The following FIGNL2 variants were observed in gnomAD, a reference collection of about 807,000 sequenced individuals.
FIGNL2 encodes fidgetin-like protein 2.
For missense variants in FIGNL2, 1,060 were observed against 950.2 expected, an observed-to-expected ratio of 1.12 and a Z score of -1.52; for synonymous variants, 565 against 484.0, an observed-to-expected ratio of 1.17 and a Z score of -2.20.
At chr12:51,845,485 CT>C (rs1939734761) in intron 1 of FIGNL2, 1 of 985,434 alleles carries the variant, frequency 1.0e-6, no homozygotes, top group Admixed American at 6.1e-5. Context: ...TCTCTGTCCC[CT>C]GAAGGGGGTC....
Position 51,845,769 on chromosome 12 carries a change from G to A in FIGNL2, c.-12+2771C>T, listed in dbSNP as rs918280730. 3.4e-5 allele frequency: 19 copies of A among 559,886 alleles called. 1 individual carries two copies. The South Asian group carries it at 4.1e-4, about 12-fold the overall frequency. The allele number at this position is 559,886 out of a possible 1,614,324, so 34.7% of individuals were successfully genotyped here. ...TAAGGGTCCAGCAATGGCAGCAGTC[G>A]GAGCTTGGGGGGAGAGTCGGGGGAG... On this transcript the variant is annotated intron_variant, in intron 1 of 1. Coordinates refer to ENST00000618634, the MANE Select transcript of FIGNL2 (RefSeq NM_001384995.1).
intron 1 of FIGNL2, among the ~76,000 whole-genome samples, chr12:51,826,942 G>A (rs1235615199): frequency 6.6e-6 from 1 of 152,250 alleles, no homozygotes; most frequent in Non-Finnish European, 1.5e-5. Flanking sequence ...GCAGGCACAT[G>A]TGCATATGTT....
chr12:51,848,227 C>T (rs1939794159), intron 1 of FIGNL2: 1 of 984,158 alleles, frequency 1.0e-6, no homozygotes, highest in Non-Finnish European at 1.2e-6. Flanking sequence ...AGCAGACGCC[C>T]CCGAGCCGGC....
chr12:51,820,626 G>T lies in FIGNL2; in HGVS notation c.1788C>A (p.Gly596=). Residue 596 remains glycine, a synonymous_variant, in exon 2 of 2, where the codon GGC becomes GGA. Coordinates refer to ENST00000618634, the MANE Select transcript of FIGNL2 (RefSeq NM_001384995.1). ...CCTGCTGGCACAGCTGCCCCAGCTCGCCCCCAGAGAAGCCCTGCGTGCCCT... is the reference window on the plus strand; with the variant it reads ...CCTGCTGGCACAGCTGCCCCAGCTCTCCCCCAGAGAAGCCCTGCGTGCCCT... The part of the protein sequence containing the change: ...LVQGTQGFSG[G]ELGQLCQQAA... The T allele has an allele frequency of 6.6e-7, 1 of 1,525,524 alleles. No individual in the cohort carries two copies. The highest frequency in any genetic ancestry group is 8.7e-7 in the Non-Finnish European group (1 of 1,142,928). The allele number at this position is 1,525,524 out of a possible 1,614,324, so 94.5% of individuals were successfully genotyped here.
rs1056013479 is a variant in FIGNL2 at position 51,821,757 on chromosome 12, G to C, written c.657C>G (p.Leu219=). The C allele has an allele frequency of 2.3e-5, 29 of 1,282,674 alleles. No individual in the cohort carries two copies. In the Admixed American group the frequency reaches 3.8e-4, roughly 17 times the overall value. 79.5% of individuals were successfully genotyped at this position (1,282,674 alleles called of 1,614,324 possible). Reference sequence around the variant, plus strand: ...CCGGGGGTGGGCCTGGGGGCGGCGGGAGCGCGCCATAGCCGGGCTGCGCTG... The same window carrying C: ...CCGGGGGTGGGCCTGGGGGCGGCGGCAGCGCGCCATAGCCGGGCTGCGCTG... ...GYAAQPGYGA[L]PPPPGPPPAP... The change falls in exon 2 of 2, where the codon CTC becomes CTG. Residue 219 remains leucine, a synonymous_variant. Coordinates refer to ENST00000618634, the MANE Select transcript of FIGNL2 (RefSeq NM_001384995.1).
intron 1 of FIGNL2, among the ~76,000 whole-genome samples, chr12:51,831,031 G>A (rs936681200): frequency 1.3e-5 from 2 of 151,854 alleles, no homozygotes; most frequent in African/African-American, 2.4e-5. Context: ...CTCAAACTCC[G>A]GGGCTCAGGC....
Position 51,821,873 on chromosome 12 carries a change from G to A in FIGNL2, c.541C>T (p.Pro181Ser). The part of the protein sequence containing the change: ...YCAQTGAALP[P>S]PPPAALLQPP... ...TGCAGGAGCGCGGCCGGGGGCGGCG[G>A]GGGCAGCGCGGCGCCCGTCTGCGCG... Residue 181 changes from proline (P) to serine (S), a missense_variant, in exon 2 of 2, where the codon CCG becomes TCG. Coordinates refer to ENST00000618634, the MANE Select transcript of FIGNL2 (RefSeq NM_001384995.1). 7.7e-7 allele frequency: 1 copy of A among 1,305,730 alleles called. No homozygotes were observed. The highest frequency in any genetic ancestry group is 9.7e-7 in the Non-Finnish European group (1 of 1,030,412). 80.9% of individuals were successfully genotyped at this position (1,305,730 alleles called of 1,614,324 possible).
chr12:51,830,954 A>C (rs1939450071), intron 1 of FIGNL2, among the ~76,000 whole-genome samples: 1 of 151,892 alleles, frequency 6.6e-6, no homozygotes, highest in African/African-American at 2.4e-5. Flanking sequence ...GAGCTTGGCT[A>C]ATGTTTGTGT....
At chr12:51,834,194 G>T (rs1462080139) in intron 1 of FIGNL2, among the ~76,000 whole-genome samples, 1 of 145,460 alleles carries the variant, frequency 6.9e-6, no homozygotes, top group Non-Finnish European at 1.5e-5. Flanking sequence ...AAGCAATCAG[G>T]GTGACTAAAT....
At chr12:51,845,347 C>A in intron 1 of FIGNL2, 1 of 438,858 alleles carries the variant, frequency 2.3e-6, no homozygotes, top group Non-Finnish European at 3.0e-6. Context: ...CTGGCAGGGT[C>A]CCTCTGCCCT....
In FIGNL2 at chr12:51,821,715, C is replaced by A. The variant is rs1185770203; in HGVS notation, c.699G>T (p.Pro233=). 18 of 1,106,580 alleles carry A rather than the reference C, an allele frequency of 1.6e-5. No homozygotes were observed. In the Admixed American group the frequency reaches 7.6e-4, roughly 47 times the overall value. 68.5% of individuals were successfully genotyped at this position (1,106,580 alleles called of 1,614,324 possible). Residue 233 remains proline, a synonymous_variant, in exon 2 of 2, where the codon CCG becomes CCT. Transcript: ENST00000618634. The part of the protein sequence containing the change: ...PGPPPAPYLT[P]GLPAPTPLPA... ...GCAGGGGCGTGGGCGCGGGCAGGCC[C>A]GGGGTCAGGTAGGGGGCCGGGGGTG... is the stretch of plus-strand genomic sequence containing the variant.
chr12:51,838,757 G>A (rs1939616064), intron 1 of FIGNL2, among the ~76,000 whole-genome samples: 1 of 152,176 alleles, frequency 6.6e-6, no homozygotes, highest in South Asian at 2.1e-4. Context: ...GCTAGGTGCA[G>A]TGGCCTGGGA....
intron 1 of FIGNL2, among the ~76,000 whole-genome samples, chr12:51,831,527 C>T (rs1401336704): frequency 2.0e-5 from 3 of 152,254 alleles, no homozygotes; most frequent in African/African-American, 4.8e-5. Context: ...TCTCCTCCCA[C>T]TTCCACAGGC....
rs936186539 is a variant in FIGNL2 at position 51,847,767 on chromosome 12, G to T, written c.-12+773C>A. 4.1e-6 allele frequency: 4 copies of T among 985,276 alleles called. No homozygotes were observed. In the South Asian group the frequency reaches 1.9e-4, roughly 46 times the overall value. The allele number at this position is 985,276 out of a possible 1,614,324, so 61.0% of individuals were successfully genotyped here. ...CTGCGAAGGACCCTCTGCAGCGGCG[G>T]GGGGGTTGCTAGCATGCGAATCTCT... On this transcript the variant is annotated intron_variant, in intron 1 of 1. Transcript: ENST00000618634.
intron 1 of FIGNL2, among the ~76,000 whole-genome samples, chr12:51,832,437 A>G (rs1002982774): frequency 6.6e-6 from 1 of 151,800 alleles, no homozygotes; most frequent in Non-Finnish European, 1.5e-5. Context: ...ACCCCTTCCA[A>G]GCAGGCATTT....
intron 1 of FIGNL2, among the ~76,000 whole-genome samples, chr12:51,845,925 C>T (rs1302551273): frequency 3.1e-5 from 3 of 97,806 alleles, no homozygotes; most frequent in African/African-American, 8.0e-5. Flanking sequence ...AAGTCCTCCC[C>T]GGACTTGGGG....
intron 1 of FIGNL2, chr12:51,848,326 C>T: frequency 1.0e-6 from 1 of 981,762 alleles, no homozygotes; most frequent in Non-Finnish European, 1.2e-6. Flanking sequence ...GCTCTGCCCG[C>T]CCCCTCCCCC....
intron 1 of FIGNL2, among the ~76,000 whole-genome samples, chr12:51,822,886 T>C (rs1939255770): frequency 6.6e-6 from 1 of 152,246 alleles, no homozygotes; most frequent in Admixed American, 6.5e-5. Context: ...ACCAGGGTTA[T>C]GTAAAGAGTT....
chr12:51,821,829 C>T lies in FIGNL2; in HGVS notation c.585G>A (p.Gly195=), dbSNP rs1565942203. 81 of 1,277,890 alleles carry T rather than the reference C, an allele frequency of 6.3e-5. No individual in the cohort carries two copies. The highest frequency in any genetic ancestry group is 7.8e-5 in the Non-Finnish European group (79 of 1,016,176). 79.2% of individuals were successfully genotyped at this position (1,277,890 alleles called of 1,614,324 possible). A position where few individuals can be genotyped will look rare whatever the true frequency, so the allele number is the denominator to read the frequency against. The change falls in exon 2 of 2, where the codon GGG becomes GGA. Residue 195 remains glycine, a synonymous_variant. Coordinates refer to ENST00000618634, the MANE Select transcript of FIGNL2 (RefSeq NM_001384995.1). ...AALLQPPPPP[G]YGPSAPLYNY... Reference sequence around the variant, plus strand: ...TGTACAGCGGCGCTGAGGGCCCGTACCCCGGAGGCGGTGGGGGCTGCAGGA... The same window carrying T: ...TGTACAGCGGCGCTGAGGGCCCGTATCCCGGAGGCGGTGGGGGCTGCAGGA...
Sources: allele counts gnomAD v4.1 joint callset (sites outside exome capture counted in the v4.1 genomes callset), GRCh38; gene constraint gnomAD v4.1.1; transcripts MANE v1.5; gene names NCBI Gene and HGNC (gene_info 2026-07-23, HGNC 2026-07-21).